Variants in ARHGEF9 observed in about 807,000 individuals in gnomAD.
ARHGEF9 encodes the protein rho guanine nucleotide exchange factor 9.
In ARHGEF9, 2 loss-of-function variants were observed where a neutral mutation model predicts 41.3. That is an observed-to-expected ratio of 0.05 (90% CI 0.02 to 0.15). ARHGEF9 has a LOEUF of 0.15. Ranked by LOEUF, ARHGEF9 falls within the 10% of genes least tolerant of loss-of-function variation. ARHGEF9 has a pLI of 1.00. For missense variants in ARHGEF9, 225 were observed against 424.7 expected, an observed-to-expected ratio of 0.53 and a Z score of 4.13; for synonymous variants, 160 against 154.4, an observed-to-expected ratio of 1.04 and a Z score of -0.27.
Position 63,705,393 on chromosome X carries a change from G to A in ARHGEF9, c.402+865C>T, listed in dbSNP as rs186596088. Among the ~76,000 whole-genome samples the A allele has an allele frequency of 7.8e-4, 85 of 109,116 alleles. 1 individual carries two copies. The East Asian group carries it at 0.023, about 30-fold the overall frequency. The allele number at this position is 109,116 out of a possible 115,157, so 94.8% of individuals were successfully genotyped here. ...TGTGTGTGTGTGTGTGTGTGTGTGT[G>A]TGTGTGTGTTTAATCCTTTTAAAAC... is the stretch of plus-strand genomic sequence containing the variant. On this transcript the variant is annotated intron_variant, in intron 3 of 9. Coordinates refer to ENST00000671741, the MANE Select transcript of ARHGEF9 (RefSeq NM_001353921.2).
At chrX:63,638,660 C>A (rs1313578828) in intron 9 of ARHGEF9, 11 of 303,328 alleles carry the variant, frequency 3.6e-5, no homozygotes, top group Non-Finnish European at 4.6e-5. Context: ...TCTCCAGTCC[C>A]CCCTGGAAGT....
intron 5 of ARHGEF9, among the ~76,000 whole-genome samples, chrX:63,676,770 G>C (rs1311438607): frequency 8.9e-6 from 1 of 112,399 alleles, no homozygotes; most frequent in African/African-American, 3.2e-5. Flanking sequence ...GAGCTGTACT[G>C]TCCAACATGG....
intron 4 of ARHGEF9, among the ~76,000 whole-genome samples, chrX:63,682,005 CAAAT>C (rs1379812298): frequency 1.8e-5 from 2 of 110,069 alleles, no homozygotes; most frequent in African/African-American, 6.6e-5. Flanking sequence ...TGAACATTAA[CAAAT>C]AAAGAGATTG....
At chrX:63,767,178 C>A (rs1556452219) in intron 1 of ARHGEF9, 14 of 728,396 alleles carry the variant, frequency 1.9e-5, no homozygotes. Context: ...CATCTTAAAC[C>A]AGCTTGGTGC....
intron 4 of ARHGEF9, among the ~76,000 whole-genome samples, chrX:63,680,866 AAACAACAAC>A (rs781835684): frequency 4.5e-5 from 5 of 110,429 alleles, no homozygotes; most frequent in Middle Eastern, 4.6e-3. Flanking sequence ...ACAAACAAAC[AAACAACAAC>A]AACAACAACA....
chrX:63,648,078 C>A (rs1479623999), intron 8 of ARHGEF9, among the ~76,000 whole-genome samples: 6 of 111,127 alleles, frequency 5.4e-5, no homozygotes, highest in African/African-American at 2.0e-4. Flanking sequence ...GGTCAACATT[C>A]AAATTCAGGA....
At chrX:63,679,277 T>C (rs536106628) in intron 4 of ARHGEF9, among the ~76,000 whole-genome samples, 1 of 111,527 alleles carries the variant, frequency 9.0e-6, no homozygotes, top group Admixed American at 9.5e-5. Flanking sequence ...AACAGGGGAA[T>C]CTGGGTATTT....
intron 8 of ARHGEF9, among the ~76,000 whole-genome samples, chrX:63,646,130 G>C (rs781992214): frequency 0.047 from 5,188 of 110,681 alleles, 307 homozygotes; most frequent in African/African-American, 0.16. Flanking sequence ...TGGATATTAG[G>C]CCTTTGTCAG....
chrX:63,678,065 T>A (rs782805177), intron 5 of ARHGEF9, among the ~76,000 whole-genome samples: 1 of 111,246 alleles, frequency 9.0e-6, no homozygotes, highest in African/African-American at 3.3e-5. Flanking sequence ...TAACAAATCA[T>A]ATCTTATATG....
At chrX:63,755,073 A>G in intron 1 of ARHGEF9, 1 of 938,547 alleles carries the variant, frequency 1.1e-6, no homozygotes, top group Non-Finnish European at 1.3e-6. Flanking sequence ...CGGCTGCCAG[A>G]CACTCGTTCG....
At chrX:63,723,376 T>C (rs782248174) in intron 2 of ARHGEF9, among the ~76,000 whole-genome samples, 60 of 111,693 alleles carry the variant, frequency 5.4e-4, no homozygotes, top group Non-Finnish European at 1.1e-3. Context: ...CCTTTCTTTA[T>C]ATCACATTGC....
intron 1 of ARHGEF9, among the ~76,000 whole-genome samples, chrX:63,752,226 G>A (rs1254988104): frequency 3.2e-5 from 3 of 93,756 alleles, no homozygotes; most frequent in African/African-American, 8.2e-5. Flanking sequence ...AGTGTCTAGG[G>A]GTCATAAAAT....
At chrX:63,640,797 C>G (rs2047580893) in intron 9 of ARHGEF9, 1 of 111,305 alleles carries the variant, frequency 9.0e-6, no homozygotes, top group African/African-American at 3.3e-5. Context: ...CATTGGAGAC[C>G]TCTTAACAAT....
chrX:63,709,963 C>T (rs2052803458), intron 2 of ARHGEF9, among the ~76,000 whole-genome samples: 1 of 109,994 alleles, frequency 9.1e-6, no homozygotes, highest in African/African-American at 3.3e-5. Context: ...TATTTTGTGC[C>T]TTCCATTTTT....
In ARHGEF9 at chrX:63,635,184, C is replaced by CCCAA; in HGVS notation, c.*2843_*2844insTTGG. 7.9e-6 allele frequency: 2 copies of CCCAA among 252,879 alleles called. No homozygotes were observed. Among genetic ancestry groups the CCCAA allele is most frequent in the Non-Finnish European group, 7.4e-6 (1 of 134,928 alleles). The allele number at this position is 252,879 out of a possible 1,213,427, so 20.8% of individuals were successfully genotyped here. On this transcript the variant is annotated 3_prime_UTR_variant, in exon 10 of 10. Transcript: ENST00000671741. ...ATCCATCCACCCCAGCCCACCCCATCCCCAAAGCACTAAAAGATCACTATT... is the reference window on the plus strand; with the variant it reads ...ATCCATCCACCCCAGCCCACCCCATCCCAACCCAAAGCACTAAAAGATCACTATT...
At chrX:63,720,002 G>A in intron 2 of ARHGEF9, 1 of 246,877 alleles carries the variant, frequency 4.1e-6, no homozygotes, top group East Asian at 6.0e-5. Context: ...ATTCATAAGG[G>A]CCACCATGCA....
chrX:63,771,157 A>C (rs2056198449), intron 1 of ARHGEF9, among the ~76,000 whole-genome samples: 1 of 111,763 alleles, frequency 8.9e-6, no homozygotes, highest in South Asian at 3.8e-4. Context: ...ATGTTTGTTG[A>C]CCATTTGTAT....
chrX:63,719,381 A>G (rs2053509506), intron 2 of ARHGEF9, among the ~76,000 whole-genome samples: 1 of 112,438 alleles, frequency 8.9e-6, no homozygotes, highest in Non-Finnish European at 1.9e-5. Context: ...AAGTGTTAAC[A>G]GTCTTGTTAG....
chrX:63,715,237 G>A (rs190978625), intron 2 of ARHGEF9, among the ~76,000 whole-genome samples: 57 of 112,124 alleles, frequency 5.1e-4, no homozygotes, highest in Admixed American at 4.9e-3. Context: ...TGCTCTGCCA[G>A]GACCTTTAGA....
Sources: gnomAD v4.1 joint callset for allele counts (sites outside exome capture counted in the v4.1 genomes callset) on GRCh38, gnomAD v4.1.1 for gene constraint, MANE v1.5 for transcripts, NCBI Gene and HGNC (gene_info 2026-07-23, HGNC 2026-07-21) for gene names.